Variants in DDX31 observed in about 807,000 individuals in gnomAD.
DDX31 encodes the protein DEAD-box helicase 31.
DDX31 carries 70 observed loss-of-function variants against 91.3 expected under a neutral mutation model. The ratio of observed to expected loss-of-function variants is 0.77; its 90% CI spans 0.63 to 0.94. The LOEUF is 0.94. Among genes scored for constraint, DDX31 ranks in the 40% least tolerant of loss-of-function variants. The pLI is 0.00. For missense variants in DDX31, 902 were observed against 925.0 expected (o/e 0.98, Z 0.32); for synonymous variants, 362 against 350.6 (o/e 1.03, Z -0.36).
chr9:132,638,249 G>A, intron 14 of DDX31: 2 of 1,592,412 alleles, frequency 1.3e-6, no homozygotes, highest in East Asian at 2.3e-5. Flanking sequence ...CTTAAAATCA[G>A]GTGGCTTAGA....
At chr9:132,651,222 T>C (rs1257429273) in intron 7 of DDX31, 106 bp from the exon 8 acceptor site, 2 of 955,310 alleles carry the variant, frequency 2.1e-6, no homozygotes, top group Non-Finnish European at 3.2e-6. Flanking sequence ...CAAGTTAAGA[T>C]TTAAGAAGAA....
chr9:132,650,089 C>G, intron 9 of DDX31, 145 bp downstream of exon 9: 1 of 764,598 alleles, frequency 1.3e-6, no homozygotes, highest in Non-Finnish European at 2.3e-6. Context: ...CCGCTCCCCA[C>G]TGACTCAATC....
At chr9:132,657,156 T>TG (rs530512345) in intron 6 of DDX31, among the ~76,000 whole-genome samples, 303 of 152,342 alleles carry the variant, frequency 2.0e-3, no homozygotes, top group African/African-American at 6.7e-3. Flanking sequence ...AAATAGTAAT[T>TG]GAAAAAGTAT....
intron 19 of DDX31, 29 bp downstream of exon 19, chr9:132,612,058 C>T (rs1370476908): frequency 9.3e-6 from 15 of 1,604,290 alleles, no homozygotes; most frequent in Non-Finnish European, 1.2e-5. Flanking sequence ...TCTCTAGCCC[C>T]GTCACGGGAC....
intron 18 of DDX31, among the ~76,000 whole-genome samples, chr9:132,615,845 C>G (rs1490478085): frequency 1.3e-5 from 2 of 152,212 alleles, no homozygotes; most frequent in African/African-American, 4.8e-5. Context: ...TGGTTATTAA[C>G]AATGACTGGG....
chr9:132,659,723 G>C lies in DDX31; in HGVS notation c.510C>G (p.Ser170=), dbSNP rs1217002631. 1 of 1,611,440 alleles carries C rather than the reference G, an allele frequency of 6.2e-7. No individual in the cohort carries two copies. The highest frequency in any genetic ancestry group is 1.3e-5 in the African/African-American group (1 of 74,974). The change falls in exon 5 of 20, where the codon TCC becomes TCG. Residue 170 remains serine, a synonymous_variant. Coordinates refer to ENST00000372159, the MANE Select transcript of DDX31 (RefSeq NM_022779.9). Reference sequence around the variant, plus strand: ...AATGAGACTAACCTGAGCCCGTCTGGGATCTCACGAGAGCATCTCTGCCTT... The same window carrying C: ...AATGAGACTAACCTGAGCCCGTCTGCGATCTCACGAGAGCATCTCTGCCTT... ...LLEGRDALVR[S]QTGSGKTLAY...
chr9:132,632,005 T>G, intron 15 of DDX31, 36 bp downstream of exon 15: 2 of 1,587,666 alleles, frequency 1.3e-6, no homozygotes, highest in Non-Finnish European at 1.7e-6. Context: ...CATATATTCC[T>G]GCCTAAAGCT....
chr9:132,655,031 G>T (rs1019034909), intron 6 of DDX31, among the ~76,000 whole-genome samples: 2 of 151,384 alleles, frequency 1.3e-5, no homozygotes, highest in Non-Finnish European at 2.9e-5. Context: ...CTTCTACACC[G>T]CTGCTGGAGT....
chr9:132,622,422 C>T (rs1001258621), intron 17 of DDX31, among the ~76,000 whole-genome samples: 8 of 152,116 alleles, frequency 5.3e-5, no homozygotes, highest in Admixed American at 4.6e-4. Context: ...CAAAAAAAAA[C>T]GACTGTAGCT....
In DDX31 at chr9:132,595,018, C is replaced by T. The variant is rs113038356; in HGVS notation, c.2089G>A (p.Val697Ile). ...TCTCCAGGTGCGTTTTGCTTTTTGA[C>T]CTTGGCGATGTCGGCCTCCATGCCG... ...SSGMEADIAKVKKQNAPGEPG... is the reference protein window; with the variant it reads ...SSGMEADIAKIKKQNAPGEPG... Residue 697 changes from valine to isoleucine, a missense_variant, in exon 20 of 20, where the codon GTC (valine) becomes ATC (isoleucine). Val to Ile is a conservative substitution (Grantham distance 29). Transcript: ENST00000372159. This position sits in a 1 kb window ranked among gnomAD's most constrained non-coding sequence, Gnocchi z 4.6. The T allele has an allele frequency of 1.1e-5, 17 of 1,614,222 alleles. No homozygotes were observed. The highest frequency in any genetic ancestry group is 6.7e-5 in the African/African-American group (5 of 75,056).
At chr9:132,596,315 C>T (rs1830429590) in intron 19 of DDX31, among the ~76,000 whole-genome samples, 1 of 152,188 alleles carries the variant, frequency 6.6e-6, no homozygotes, top group Non-Finnish European at 1.5e-5. Flanking sequence ...GCAATAATAC[C>T]TGTTTCTAAT....
chr9:132,665,759 T>C (rs557675266), intron 1 of DDX31, among the ~76,000 whole-genome samples: 5 of 152,200 alleles, frequency 3.3e-5, no homozygotes, highest in African/African-American at 1.2e-4. Context: ...ACATACTGAG[T>C]AGTTACTATA....
intron 18 of DDX31, among the ~76,000 whole-genome samples, chr9:132,614,338 C>T (rs549329909): frequency 9.9e-5 from 15 of 152,160 alleles, no homozygotes; most frequent in African/African-American, 2.9e-4. Flanking sequence ...AAATCTTTAA[C>T]GCTTCAAATG....
At chr9:132,652,344 T>C in intron 7 of DDX31, 104 bp downstream of exon 7, 3 of 1,349,508 alleles carry the variant, frequency 2.2e-6, no homozygotes, top group Admixed American at 2.0e-5. Context: ...TGGTGTGCAG[T>C]GGCTTGTGCA....
At chr9:132,656,733 C>T (rs1274708204) in intron 6 of DDX31, among the ~76,000 whole-genome samples, 1 of 152,174 alleles carries the variant, frequency 6.6e-6, no homozygotes, top group Non-Finnish European at 1.5e-5. Flanking sequence ...TAGAGTTAGG[C>T]TAGAACTGTA....
At chr9:132,649,143 T>C (rs1250150608) in intron 9 of DDX31, among the ~76,000 whole-genome samples, 1 of 152,184 alleles carries the variant, frequency 6.6e-6, no homozygotes, top group Non-Finnish European at 1.5e-5. Flanking sequence ...GGTCTCACTA[T>C]GTTGCCTAGG....
In DDX31 at chr9:132,626,494, AAG is replaced by A. The variant is rs1228050599; in HGVS notation, c.1632-751_1632-750del. Among the ~76,000 whole-genome samples the A allele has an allele frequency of 2.0e-5, 3 of 152,330 alleles. No individual in the cohort carries two copies. In the East Asian group the frequency reaches 5.8e-4, roughly 29 times the overall value. ...CCACAGCATTTGAATGTAGGGAGCA[AAG>A]AGAGACTTGCGTGTCAGAGATGAAG... is the stretch of plus-strand genomic sequence containing the variant. On this transcript the variant is annotated intron_variant, in intron 16 of 19. Coordinates refer to ENST00000372159, the MANE Select transcript of DDX31 (RefSeq NM_022779.9).
In DDX31 at chr9:132,652,460, C is replaced by A. The variant is rs371070418; in HGVS notation, c.621G>T (p.Val207=). The A allele has an allele frequency of 6.2e-7, 1 of 1,613,944 alleles. No homozygotes were observed. The highest frequency in any genetic ancestry group is 8.5e-7 in the Non-Finnish European group (1 of 1,180,012). ...RSDGPYALVL[V]PTRELALQSF... ...GGAGCCTGCTTACCTCTCTCGTTGGCACGAGCACCAGGGCATAGGGGCCAT... is the reference window on the plus strand; with the variant it reads ...GGAGCCTGCTTACCTCTCTCGTTGGAACGAGCACCAGGGCATAGGGGCCAT... Residue 207 remains valine (V), a synonymous_variant, in exon 7 of 20, where the codon GTG becomes GTT. Transcript: ENST00000372159.
intron 19 of DDX31, among the ~76,000 whole-genome samples, chr9:132,601,701 G>C (rs1261064477): frequency 2.0e-5 from 3 of 152,224 alleles, no homozygotes; most frequent in Admixed American, 1.3e-4. Flanking sequence ...GAGCCATCCA[G>C]AGGACAGGCT....
Sources: allele counts gnomAD v4.1 joint callset (sites outside exome capture counted in the v4.1 genomes callset), GRCh38; gene constraint gnomAD v4.1.1; non-coding constraint Gnocchi (gnomAD v3.1); transcripts MANE v1.5; gene names NCBI Gene and HGNC (gene_info 2026-07-23, HGNC 2026-07-21).